The following PPP6R2 variants were observed in gnomAD, a reference collection of about 807,000 sequenced individuals.
PPP6R2 encodes the protein serine/threonine-protein phosphatase 6 regulatory subunit 2.
In PPP6R2, 62 loss-of-function variants were observed where a neutral mutation model predicts 100.2. That is an observed-to-expected ratio of 0.62 (90% CI 0.50 to 0.76). The LOEUF (loss-of-function observed/expected upper bound fraction) is 0.76. PPP6R2 is among the 30% of genes least tolerant of loss of function. The pLI, the probability that PPP6R2 is intolerant of heterozygous loss-of-function variation, is 0.00. For synonymous variants in PPP6R2, 525 were observed against 514.7 expected (o/e 1.02, Z -0.27); for missense variants, 1,142 against 1,276.3 (o/e 0.89, Z 1.60).
chr22:50,382,466 C>T (rs1372380547), intron 2 of PPP6R2, among the ~76,000 whole-genome samples: 4 of 151,248 alleles, frequency 2.6e-5, no homozygotes, highest in South Asian at 4.2e-4. Context: ...GGCATGGTGG[C>T]TCACGCCTGT....
chr22:50,437,705 T>C, intron 16 of PPP6R2, 102 bp downstream of exon 16: 1 of 1,401,262 alleles, frequency 7.1e-7, no homozygotes, highest in Non-Finnish European at 1.0e-6. Flanking sequence ...TGCCGTCTGA[T>C]GTCCCCGGGA....
intron 5 of PPP6R2, among the ~76,000 whole-genome samples, chr22:50,415,007 C>T (rs2060329301): frequency 6.6e-6 from 1 of 152,240 alleles, no homozygotes; most frequent in South Asian, 2.1e-4. Context: ...ACCCCTGTGG[C>T]TTAGAGCAGG....
At chr22:50,334,264 C>T in the PPP6R2 span, among the ~76,000 whole-genome samples, 1 of 152,316 alleles carries the variant, frequency 6.6e-6, no homozygotes, top group East Asian at 1.9e-4. Context: ...CAGGTGCCTT[C>T]CCAGGCTCTG....
chr22:50,394,913 CA>C (rs57028687), intron 3 of PPP6R2, among the ~76,000 whole-genome samples: 13,113 of 76,078 alleles, frequency 0.17, 1,644 homozygotes, highest in African/African-American at 0.47. Context: ...GACTCTGTCT[CA>C]AAAAAAAAAA....
At chr22:50,336,206 T>C in the PPP6R2 span, among the ~76,000 whole-genome samples, 1 of 151,922 alleles carries the variant, frequency 6.6e-6, no homozygotes, top group Non-Finnish European at 1.5e-5. Context: ...GCCAGGATGG[T>C]CTCGATCTCC....
At chr22:50,341,388 G>T (rs1320796210), upstream of PPP6R2, among the ~76,000 whole-genome samples, 1 of 151,982 alleles carries the variant, frequency 6.6e-6, no homozygotes, top group Non-Finnish European at 1.5e-5. Flanking sequence ...ATTTTTTGTA[G>T]AGACAGGGGC....
At chr22:50,413,902 C>T (rs1191403216) in intron 4 of PPP6R2, among the ~76,000 whole-genome samples, 1 of 152,192 alleles carries the variant, frequency 6.6e-6, no homozygotes, top group Non-Finnish European at 1.5e-5. Flanking sequence ...GCAGCGAGCC[C>T]AGCCTTCACT....
At chr22:50,404,001 G>A (rs767354295) in intron 3 of PPP6R2, among the ~76,000 whole-genome samples, 8 of 152,160 alleles carry the variant, frequency 5.3e-5, no homozygotes, top group Admixed American at 4.6e-4. Flanking sequence ...GCCACATGTT[G>A]GCAAGAGAAG....
intron 3 of PPP6R2, among the ~76,000 whole-genome samples, chr22:50,403,601 C>T (rs1306447684): frequency 6.6e-6 from 1 of 152,218 alleles, no homozygotes; most frequent in African/African-American, 2.4e-5. Context: ...GCCCCAGCCC[C>T]CTGCGCCAGC....
intron 1 of PPP6R2, among the ~76,000 whole-genome samples, chr22:50,365,857 A>G (rs940953666): frequency 6.6e-6 from 1 of 151,938 alleles, no homozygotes; most frequent in Non-Finnish European, 1.5e-5. Flanking sequence ...GCTCCTGAGT[A>G]GCTGGGATTA....
intron 2 of PPP6R2, among the ~76,000 whole-genome samples, chr22:50,383,441 C>T (rs1162910345): frequency 6.6e-6 from 1 of 152,152 alleles, no homozygotes; most frequent in African/African-American, 2.4e-5. Context: ...TTCCCAAATA[C>T]AGAATTCTAA....
intron 2 of PPP6R2, among the ~76,000 whole-genome samples, chr22:50,384,826 A>C (rs938932618): frequency 6.6e-6 from 1 of 152,000 alleles, no homozygotes; most frequent in African/African-American, 2.4e-5. Flanking sequence ...CTGCAGCTTC[A>C]ACCTCCTGGG....
intron 9 of PPP6R2, 41 bp downstream of exon 9, chr22:50,422,421 C>T (rs776388255): frequency 1.3e-5 from 21 of 1,604,364 alleles, no homozygotes; most frequent in Admixed American, 3.4e-5. Flanking sequence ...TTGGAGGCGT[C>T]GCAGGAGAGG....
At chr22:50,441,411 C>T (rs1423750660) in intron 22 of PPP6R2, among the ~76,000 whole-genome samples, 2 of 152,182 alleles carry the variant, frequency 1.3e-5, no homozygotes, top group African/African-American at 4.8e-5. Flanking sequence ...GGCTGAGCCG[C>T]CTGGGATCTG....
intron 2 of PPP6R2, among the ~76,000 whole-genome samples, chr22:50,381,868 A>G (rs931392976): frequency 4.0e-5 from 6 of 151,260 alleles, no homozygotes; most frequent in Non-Finnish European, 5.9e-5. Context: ...AGATCACACC[A>G]CTGCACTCCA....
the PPP6R2 span, among the ~76,000 whole-genome samples, chr22:50,337,763 ATGTGTATGGTG>A: frequency 2.8e-3 from 314 of 111,396 alleles, 1 homozygote; most frequent in Non-Finnish European, 4.8e-3. Flanking sequence ...AGTGTGCACG[ATGTGTATGGTG>A]TGTGTGTGGG....
intron 3 of PPP6R2, among the ~76,000 whole-genome samples, chr22:50,398,378 G>A (rs1049906894): frequency 4.6e-5 from 7 of 151,188 alleles, no homozygotes; most frequent in African/African-American, 1.7e-4. Flanking sequence ...TCACCATGTT[G>A]GCCAGGCTGG....
At chr22:50,358,112 A>G (rs2046996322) in intron 1 of PPP6R2, among the ~76,000 whole-genome samples, 1 of 150,882 alleles carries the variant, frequency 6.6e-6, no homozygotes, top group South Asian at 2.1e-4. Context: ...ACACCTGGAT[A>G]ATTTAAAAAA....
chr22:50,416,787 A>C (rs2060603861), intron 6 of PPP6R2, among the ~76,000 whole-genome samples: 1 of 151,828 alleles, frequency 6.6e-6, no homozygotes, highest in Non-Finnish European at 1.5e-5. Flanking sequence ...AACGTGGCGA[A>C]ACCCTGTCTC....
Sources: allele counts gnomAD v4.1 joint callset (sites outside exome capture counted in the v4.1 genomes callset), GRCh38; gene constraint gnomAD v4.1.1; transcripts MANE v1.5; gene names NCBI Gene and HGNC (gene_info 2026-07-23, HGNC 2026-07-21).